SLC7A8: variants seen among roughly 807,000 people sequenced by gnomAD.
SLC7A8 encodes the protein solute carrier family 7 member 8.
SLC7A8 carries 30 observed loss-of-function variants against 51.2 expected under a neutral mutation model. The ratio of observed to expected loss-of-function variants is 0.59; its 90% CI spans 0.44 to 0.80. The LOEUF (loss-of-function observed/expected upper bound fraction) is 0.80. SLC7A8 is among the 30% of genes least tolerant of loss of function. SLC7A8 has a pLI of 0.00. For synonymous variants in SLC7A8, 257 were observed against 275.8 expected (o/e 0.93, Z 0.67); for missense variants, 612 against 674.4 (o/e 0.91, Z 1.03).
chr14:23,171,635 G>C (rs1344776343), intron 1 of SLC7A8, among the ~76,000 whole-genome samples: 1 of 152,208 alleles, frequency 6.6e-6, no homozygotes, highest in Non-Finnish European at 1.5e-5. Flanking sequence ...GGGCTTCGAG[G>C]TTTTGGCCAT....
chr14:23,144,711 C>A (rs974248185), intron 3 of SLC7A8, among the ~76,000 whole-genome samples: 1 of 152,212 alleles, frequency 6.6e-6, no homozygotes, highest in South Asian at 2.1e-4. Context: ...GCCATCTCCA[C>A]CTGGCAAACC....
chr14:23,160,570 TAA>T lies in SLC7A8; in HGVS notation c.508+4713_508+4714del, dbSNP rs11405198. 2.5e-3 allele frequency among the ~76,000 whole-genome samples: 324 copies of T among 127,146 alleles called. 2 individuals are homozygous for T. Among genetic ancestry groups the T allele is most frequent in the African/African-American group, 9.3e-3 (311 of 33,422 alleles). 83.4% of individuals were successfully genotyped at this position (127,146 alleles called of 152,430 possible). On this transcript the variant is annotated intron_variant, in intron 3 of 10. Coordinates refer to ENST00000316902, the MANE Select transcript of SLC7A8 (RefSeq NM_012244.4). ...TGGGTGACGGAGGGAGACTCCGTCT[TAA>T]AAAAAAAAAAAAAAAAGGGCACGCT...
rs551979051 is a variant in SLC7A8 at position 23,150,746 on chromosome 14, G to C, written c.509-7542C>G. On this transcript the variant is annotated intron_variant, in intron 3 of 10. Transcript: ENST00000316902. ...CATGCTGACACTCACAGGCAAAGCA[G>C]AGTGGCGGGGAATGGGAATGGTTTG... Among the ~76,000 whole-genome samples, 14 of 152,320 alleles carry C rather than the reference G, an allele frequency of 9.2e-5. No homozygotes were observed. The South Asian group carries it at 2.9e-3, about 32-fold the overall frequency.
chr14:23,131,642 A>G, intron 7 of SLC7A8, 85 bp from the exon 8 acceptor site: 2 of 1,029,148 alleles, frequency 1.9e-6, no homozygotes, highest in Non-Finnish European at 2.7e-6. Context: ...CCTTCTGCCC[A>G]CACAGGGGCA....
At chr14:23,170,535 T>C (rs1266991883) in intron 1 of SLC7A8, among the ~76,000 whole-genome samples, 1 of 152,190 alleles carries the variant, frequency 6.6e-6, no homozygotes, top group Admixed American at 6.5e-5. Context: ...CTCAGCTCAC[T>C]GCAACCTCCG....
chr14:23,148,187 G>GT (rs2048814695), intron 3 of SLC7A8, among the ~76,000 whole-genome samples: 1 of 152,104 alleles, frequency 6.6e-6, no homozygotes, highest in South Asian at 2.1e-4. Context: ...TTGTGACTAT[G>GT]TTTTTTAAAT....
chr14:23,159,711 A>G lies in SLC7A8; in HGVS notation c.508+5574T>C, dbSNP rs1267301253. On this transcript the variant is annotated intron_variant, in intron 3 of 10. Coordinates refer to ENST00000316902, the MANE Select transcript of SLC7A8 (RefSeq NM_012244.4). ...AACAACTCACGAGTTTCTCTGTGAC[A>G]GCATTCTGCACCAGGCAGTTGGAGG... 2.6e-5 allele frequency among the ~76,000 whole-genome samples: 4 copies of G among 152,242 alleles called. No individual in the cohort carries two copies. In the East Asian group the frequency reaches 7.7e-4, roughly 29 times the overall value.
At chr14:23,127,408 C>T in intron 10 of SLC7A8, 65 bp from the exon 11 acceptor site, 1 of 1,578,486 alleles carries the variant, frequency 6.3e-7, no homozygotes. Context: ...GGCCAAGTGG[C>T]CCCGGCCCTT....
intron 3 of SLC7A8, among the ~76,000 whole-genome samples, chr14:23,148,600 T>G (rs2048819323): frequency 6.6e-6 from 1 of 152,186 alleles, no homozygotes; most frequent in Non-Finnish European, 1.5e-5. Flanking sequence ...AGGAGTCCTT[T>G]CAAGAGGGAG....
chr14:23,181,920 A>G (rs1437759238), intron 1 of SLC7A8, among the ~76,000 whole-genome samples: 3 of 152,220 alleles, frequency 2.0e-5, no homozygotes, highest in Non-Finnish European at 4.4e-5. Flanking sequence ...AAGTACATTC[A>G]GGGGGTTTGA....
In SLC7A8 at chr14:23,180,112, T is replaced by G. The variant is rs373164778; in HGVS notation, c.151+2652A>C. On this transcript the variant is annotated intron_variant, in intron 1 of 10. Transcript: ENST00000316902. ...TAGTAGAGACGAGGTTTCACCGTGT[T>G]AGCCAGGATGGTCTTGATCTCCTGA... is the stretch of plus-strand genomic sequence containing the variant. 4.6e-5 allele frequency among the ~76,000 whole-genome samples: 7 copies of G among 152,128 alleles called. No homozygotes were observed. The East Asian group carries it at 1.3e-3, about 29-fold the overall frequency.
intron 3 of SLC7A8, among the ~76,000 whole-genome samples, chr14:23,144,253 G>A (rs894023744): frequency 6.6e-6 from 1 of 151,910 alleles, no homozygotes; most frequent in Non-Finnish European, 1.5e-5. Context: ...TTCCACAGTG[G>A]CTGTCTCATT....
In SLC7A8 at chr14:23,137,967, G is replaced by A. The variant is rs1299329498; in HGVS notation, c.970C>T (p.Leu324=). 2.5e-6 allele frequency: 4 copies of A among 1,613,846 alleles called. No individual in the cohort carries two copies. The highest frequency in any genetic ancestry group is 1.3e-5 in the African/African-American group (1 of 74,860). ...MAWIMPISVA[L]STFGGVNGSL... Reference sequence around the variant, plus strand: ...CCATTAACTCCTCCAAATGTGGACAGGGCAACAGAAATGGGCATGATCCAG... The same window carrying A: ...CCATTAACTCCTCCAAATGTGGACAAGGCAACAGAAATGGGCATGATCCAG... Residue 324 remains leucine, a synonymous_variant, in exon 7 of 11, where the codon CTG becomes TTG. Coordinates refer to ENST00000316902, the MANE Select transcript of SLC7A8 (RefSeq NM_012244.4).
intron 1 of SLC7A8, among the ~76,000 whole-genome samples, chr14:23,171,139 C>T (rs1594840466): frequency 6.6e-6 from 1 of 152,220 alleles, no homozygotes; most frequent in African/African-American, 2.4e-5. Flanking sequence ...ATGAGACGCA[C>T]ATCCGTCTGG....
intron 1 of SLC7A8, among the ~76,000 whole-genome samples, chr14:23,178,928 C>T (rs951902784): frequency 2.0e-5 from 3 of 147,340 alleles, no homozygotes; most frequent in Non-Finnish European, 4.5e-5. Flanking sequence ...AGGTCTTGCT[C>T]TGTTGCCTAG....
chr14:23,166,889 G>A lies in SLC7A8; in HGVS notation c.152-349C>T, dbSNP rs550174001. Among the ~76,000 whole-genome samples the A allele has an allele frequency of 6.6e-5, 10 of 152,314 alleles. No homozygotes were observed. The South Asian group carries it at 1.0e-3, about 16-fold the overall frequency. On this transcript the variant is annotated intron_variant, in intron 1 of 10. Transcript: ENST00000316902. ...GGTCCACATCGCAGTAAGTGATGGT[G>A]AAGTATTGAATCTCAGGACCCTCCA...
At chr14:23,182,727 G>C in intron 1 of SLC7A8, 37 bp downstream of exon 1, 1 of 1,516,616 alleles carries the variant, frequency 6.6e-7, no homozygotes, top group South Asian at 1.3e-5. Flanking sequence ...ACCACCAGAG[G>C]GGAGAGGAGG....
chr14:23,154,928 T>C (rs1473071462), intron 3 of SLC7A8, among the ~76,000 whole-genome samples: 1 of 125,430 alleles, frequency 8.0e-6, no homozygotes, highest in Non-Finnish European at 1.6e-5. Flanking sequence ...GATAAAGTTA[T>C]ACATATAACT....
intron 3 of SLC7A8, among the ~76,000 whole-genome samples, chr14:23,161,479 C>T (rs1440020291): frequency 1.3e-5 from 1 of 75,512 alleles, no homozygotes; most frequent in East Asian, 2.4e-4. Context: ...TATGTTTACG[C>T]CACACCGGAA....
Sources: gnomAD v4.1 joint callset for allele counts (sites outside exome capture counted in the v4.1 genomes callset) on GRCh38, gnomAD v4.1.1 for gene constraint, MANE v1.5 for transcripts, NCBI Gene and HGNC (gene_info 2026-07-23, HGNC 2026-07-21) for gene names.